Variants in ZFP2 observed in about 807,000 individuals in gnomAD.
ZFP2 encodes the protein ZFP2 zinc finger protein, also known as zinc finger protein ZFP2.
In ZFP2, 33 loss-of-function variants were observed where a neutral mutation model predicts 36.1. The observed-to-expected ratio is 0.92, with a 90% CI of 0.69 to 1.22. The LOEUF is 1.22. ZFP2 is among the 50% of genes most tolerant of loss of function. The pLI, the probability that ZFP2 is intolerant of heterozygous loss-of-function variation, is 0.00. For missense variants in ZFP2, 522 were observed against 551.4 expected, an observed-to-expected ratio of 0.95 and a Z score of 0.53; for synonymous variants, 170 against 178.0, an observed-to-expected ratio of 0.96 and a Z score of 0.36.
intron 1 of ZFP2, chr5:178,909,762 C>T (rs2113075443): frequency 6.4e-7 from 1 of 1,572,100 alleles, no homozygotes; most frequent in Non-Finnish European, 8.6e-7. Context: ...TGCACCTCTC[C>T]CTTCCTCTTC....
chr5:178,932,063 C>A lies in ZFP2; in HGVS notation c.750C>A (p.Ala250=), dbSNP rs1191312883. 6 of 1,613,886 alleles carry A rather than the reference C, an allele frequency of 3.7e-6. No homozygotes were observed. The highest frequency in any genetic ancestry group is 5.1e-6 in the Non-Finnish European group (6 of 1,180,004). Residue 250 remains alanine, a synonymous_variant, in exon 5 of 5, where the codon GCC becomes GCA. Transcript: ENST00000361362. ...KPYECNECGK[A]FSQSMHLIVH... ...ATGAATGTAATGAATGTGGAAAAGC[C>A]TTCAGTCAAAGCATGCATCTTATTG...
At position 178,932,480 on chromosome 5, in the gene ZFP2, G is replaced by T. The variant is rs536970216; in HGVS notation, c.1167G>T (p.Lys389Asn). The change falls in exon 5 of 5, where the codon AAG becomes AAT. Residue 389 changes from lysine to asparagine, a missense_variant. Physicochemically the swap from Lys to Asn is moderately conservative, Grantham distance 94. Coordinates refer to ENST00000361362, the MANE Select transcript of ZFP2 (RefSeq NM_030613.4). ...EKPYECNECG[K>N]AFSQSAYLIE... ...CTTATGAGTGCAATGAATGTGGAAA[G>T]GCATTCAGCCAGAGTGCTTACCTTA... 14 of 1,614,024 alleles carry T rather than the reference G, an allele frequency of 8.7e-6. No homozygotes were observed. The East Asian group carries it at 3.1e-4, about 36-fold the overall frequency.
rs773525759 is a variant in ZFP2 at position 178,931,617 on chromosome 5, T to G, written c.304T>G (p.Tyr102Asp). ...AAGAATGTTTGTAGGAAAGAAGATC[T>G]ATGAATGTAATCAGTGCAGCAAAAC... ...TQRMFVGKKIYECNQCSKTFS... is the reference protein window; with the variant it reads ...TQRMFVGKKIDECNQCSKTFS... Residue 102 changes from tyrosine (Y) to aspartate (D), a missense_variant, in exon 5 of 5, where the codon TAT (tyrosine) becomes GAT (aspartate). By Grantham distance (160) the Tyr-to-Asp change is radical. Coordinates refer to ENST00000361362, the MANE Select transcript of ZFP2 (RefSeq NM_030613.4). The G allele has an allele frequency of 6.2e-7, 1 of 1,614,192 alleles. No homozygotes were observed. The highest frequency in any genetic ancestry group is 1.1e-5 in the South Asian group (1 of 91,088).
intron 4 of ZFP2, among the ~76,000 whole-genome samples, chr5:178,918,437 G>A (rs1447750178): frequency 6.6e-6 from 1 of 152,136 alleles, no homozygotes; most frequent in African/African-American, 2.4e-5. Context: ...CCCTTTTCAA[G>A]AAGCATGGGA....
rs1758320777 is a variant in ZFP2 at position 178,912,622 on chromosome 5, T to C, written c.-411T>C. 2.9e-6 allele frequency: 3 copies of C among 1,043,014 alleles called. No homozygotes were observed. The highest frequency in any genetic ancestry group is 3.4e-5 in the African/African-American group (2 of 59,040). The allele number at this position is 1,043,014 out of a possible 1,614,324, so 64.6% of individuals were successfully genotyped here. Reference sequence around the variant, plus strand: ...TGACCTTCAAGGATGTGTCCATAGATTTCTCTTGGGAAGAGTGGATTCAAG... The same window carrying C: ...TGACCTTCAAGGATGTGTCCATAGACTTCTCTTGGGAAGAGTGGATTCAAG... On this transcript the variant is annotated 5_prime_UTR_variant, in exon 2 of 5. Transcript: ENST00000361362.
Position 178,922,564 on chromosome 5 carries a change from G to A in ZFP2, c.-78+5854G>A. 7 of 1,498,202 alleles carry A rather than the reference G, an allele frequency of 4.7e-6. 2 individuals carry two copies. Among genetic ancestry groups the A allele is most frequent in the Non-Finnish European group, 6.5e-6 (7 of 1,075,364 alleles). 92.8% of individuals were successfully genotyped at this position (1,498,202 alleles called of 1,614,324 possible). ...CAATGTCTAGTTTTGTAGGAGCATG[G>A]CTTGGAGCACGTCCTATTCCTTGAC... On this transcript the variant is annotated intron_variant, in intron 4 of 4. Transcript: ENST00000361362.
rs532382660 is a variant in ZFP2 at position 178,904,012 on chromosome 5, AAAG to A, written c.-450+8041_-450+8043del. Among the ~76,000 whole-genome samples, 494 of 152,192 alleles carry A rather than the reference AAAG, an allele frequency of 3.2e-3. 2 individuals are homozygous for A. The highest frequency in any genetic ancestry group is 0.011 in the African/African-American group (472 of 41,474). ...CTCCAAAAAAGAAAAAAGAAAAAAAAAAGAAAAGTTTTCTGTACCCCAAGATAA... is the reference window on the plus strand; with the variant it reads ...CTCCAAAAAAGAAAAAAGAAAAAAAAAAAAGTTTTCTGTACCCCAAGATAA... On this transcript the variant is annotated intron_variant, in intron 1 of 4. Coordinates refer to ENST00000361362, the MANE Select transcript of ZFP2 (RefSeq NM_030613.4).
intron 1 of ZFP2, among the ~76,000 whole-genome samples, chr5:178,908,540 A>G (rs1009206864): frequency 5.3e-5 from 8 of 150,820 alleles, no homozygotes; most frequent in African/African-American, 2.0e-4. Context: ...TGCAAAACAG[A>G]TCTGGCACTG....
rs535976762 is a variant in ZFP2 at position 178,924,687 on chromosome 5, A to C, written c.-77-6550A>C. 6.1e-5 allele frequency among the ~76,000 whole-genome samples: 9 copies of C among 147,886 alleles called. No individual in the cohort carries two copies. In the East Asian group the frequency reaches 1.6e-3, roughly 26 times the overall value. ...AAACCCCATCTCTACTAAAAAGACA[A>C]AATTAGCCAGGCATGGTGGTACATG... On this transcript the variant is annotated intron_variant, in intron 4 of 4. Coordinates refer to ENST00000361362, the MANE Select transcript of ZFP2 (RefSeq NM_030613.4).
intron 1 of ZFP2, chr5:178,910,229 C>T (rs534055003): frequency 6.3e-7 from 1 of 1,580,826 alleles, no homozygotes; most frequent in South Asian, 1.1e-5. Flanking sequence ...ACTTCCAAGC[C>T]AAGAGCAGCA....
At chr5:178,898,042 G>T (rs1757977187) in intron 1 of ZFP2, among the ~76,000 whole-genome samples, 1 of 152,092 alleles carries the variant, frequency 6.6e-6, no homozygotes. Context: ...CGAGGCTAGA[G>T]TGCAGTGGTG....
rs1480096114 is a variant in ZFP2 at position 178,931,754 on chromosome 5, A to T, written c.441A>T (p.Val147=). The stretch of plus-strand genomic sequence containing the variant: ...TCATTGAACGATCCTCCCTTACTGT[A>T]CATCAAAGAATTCATACTGGAGAGA... ...KHFIERSSLT[V]HQRIHTGEKP... is the part of the protein sequence containing the mutation. Residue 147 remains valine, a synonymous_variant, in exon 5 of 5, where the codon GTA becomes GTT. Coordinates refer to ENST00000361362, the MANE Select transcript of ZFP2 (RefSeq NM_030613.4). 6.2e-7 allele frequency: 1 copy of T among 1,614,112 alleles called. No homozygotes were observed. Among genetic ancestry groups the T allele is most frequent in the East Asian group, 2.2e-5 (1 of 44,868 alleles).
At chr5:178,906,868 CTT>C (rs111783475) in intron 1 of ZFP2, among the ~76,000 whole-genome samples, 27 of 146,136 alleles carry the variant, frequency 1.8e-4, no homozygotes, top group Middle Eastern at 3.6e-3. Context: ...GAGTTTTTGT[CTT>C]TTTTTTTTTT....
intron 1 of ZFP2, chr5:178,909,975 T>C (rs1758256069): frequency 1.4e-6 from 2 of 1,408,594 alleles, no homozygotes; most frequent in African/African-American, 2.8e-5. Context: ...TGGAGAATTG[T>C]TCTGGGTAGA....
chr5:178,931,939 C>T lies in ZFP2; in HGVS notation c.626C>T (p.Thr209Ile). The change falls in exon 5 of 5, where the codon ACT becomes ATT. Residue 209 changes from threonine to isoleucine, a missense_variant. Coordinates refer to ENST00000361362, the MANE Select transcript of ZFP2 (RefSeq NM_030613.4). Reference protein sequence around the residue: ...SSLIQHERIHTGEKPYKCNEC... With the variant: ...SSLIQHERIHIGEKPYKCNEC... ...CTTATTCAGCATGAAAGGATTCATA[C>T]TGGAGAGAAACCCTACAAATGTAAT... The T allele has an allele frequency of 6.2e-7, 1 of 1,614,022 alleles. No individual in the cohort carries two copies. The highest frequency in any genetic ancestry group is 8.5e-7 in the Non-Finnish European group (1 of 1,179,970).
chr5:178,921,196 C>T (rs542675995), intron 4 of ZFP2, among the ~76,000 whole-genome samples: 7 of 152,262 alleles, frequency 4.6e-5, no homozygotes, highest in African/African-American at 1.4e-4. Flanking sequence ...ATATGTATCT[C>T]GCAGGTGAGC....
intron 4 of ZFP2, among the ~76,000 whole-genome samples, chr5:178,930,110 T>C (rs1474655108): frequency 6.6e-6 from 1 of 151,730 alleles, no homozygotes; most frequent in East Asian, 1.9e-4. Flanking sequence ...GGGGATGGTG[T>C]TAAACCATTC....
intron 3 of ZFP2, chr5:178,914,039 G>C (rs1758364464): frequency 6.6e-6 from 1 of 151,932 alleles, no homozygotes; most frequent in Non-Finnish European, 1.5e-5. Context: ...TGTACTTTTA[G>C]TAGAGACGGG....
chr5:178,928,232 CT>C lies in ZFP2; in HGVS notation c.-77-3004del, dbSNP rs541640103. 2.6e-4 allele frequency among the ~76,000 whole-genome samples: 39 copies of C among 152,256 alleles called. No individual in the cohort carries two copies. In the East Asian group the frequency reaches 5.6e-3, roughly 22 times the overall value. Reference sequence around the variant, plus strand: ...CAAATGAAATCATATCATTCTGCCCCTGGCCCCTCCCAATCTTATGTCTTTC... The same window carrying C: ...CAAATGAAATCATATCATTCTGCCCCGGCCCCTCCCAATCTTATGTCTTTC... On this transcript the variant is annotated intron_variant, in intron 4 of 4. Coordinates refer to ENST00000361362, the MANE Select transcript of ZFP2 (RefSeq NM_030613.4).
Sources: allele counts gnomAD v4.1 joint callset (sites outside exome capture counted in the v4.1 genomes callset), GRCh38; gene constraint gnomAD v4.1.1; transcripts MANE v1.5; gene names NCBI Gene and HGNC (gene_info 2026-07-23, HGNC 2026-07-21).